Variants in PGM2 observed in about 807,000 individuals in gnomAD.
PGM2 encodes phosphopentomutase.
PGM2 carries 57 observed loss-of-function variants against 74.6 expected under a neutral mutation model. The observed-to-expected ratio is 0.76, with a 90% CI of 0.62 to 0.95. The LOEUF (loss-of-function observed/expected upper bound fraction) is 0.95. Ranked by LOEUF, PGM2 falls within the 40% of genes least tolerant of loss-of-function variation. The pLI is 0.00. For synonymous variants in PGM2, 273 were observed against 260.7 expected (o/e 1.05, Z -0.46); for missense variants, 706 against 741.9 (o/e 0.95, Z 0.56).
chr4:37,841,100 A>ATATATATGTGTG (rs1202149456), intron 6 of PGM2, among the ~76,000 whole-genome samples: 19 of 115,750 alleles, frequency 1.6e-4, no homozygotes, highest in African/African-American at 6.8e-4. Flanking sequence ...ATATATATAT[A>ATATATATGTGTG]TGTGTGTGTG....
intron 6 of PGM2, among the ~76,000 whole-genome samples, chr4:37,842,737 T>C (rs1359182314): frequency 2.0e-5 from 3 of 152,104 alleles, no homozygotes; most frequent in East Asian, 1.9e-4. Context: ...CTTGGCTCAC[T>C]GCGGCCTTGA....
intron 1 of PGM2, among the ~76,000 whole-genome samples, chr4:37,827,219 C>T (rs1281304873): frequency 6.6e-6 from 1 of 152,218 alleles, no homozygotes; most frequent in Non-Finnish European, 1.5e-5. Context: ...CTCCGTCCCG[C>T]GTATTCCTTT....
At chr4:37,845,439 AC>A (rs1406876588) in intron 7 of PGM2, among the ~76,000 whole-genome samples, 193 bp from the exon 8 acceptor site, 6 of 152,354 alleles carry the variant, frequency 3.9e-5, no homozygotes, top group Non-Finnish European at 8.8e-5. Context: ...TTAGGAAGAT[AC>A]TATGTGACCA....
intron 1 of PGM2, among the ~76,000 whole-genome samples, chr4:37,829,050 G>A (rs557124951): frequency 6.0e-4 from 92 of 152,256 alleles, no homozygotes; most frequent in African/African-American, 2.1e-3. Flanking sequence ...CATCTAAATG[G>A]ATAATGACTG....
At chr4:37,832,630 T>C (rs1265206950) in intron 2 of PGM2, among the ~76,000 whole-genome samples, 2 of 152,248 alleles carry the variant, frequency 1.3e-5, no homozygotes, top group Non-Finnish European at 2.9e-5. Context: ...ATTTATGTTC[T>C]ATTTTGGGTT....
Position 37,845,683 on chromosome 4 carries a change from T to G in PGM2, c.960T>G (p.Ala320=). ...ADKTKARIVL[A]NDPDADRLAV... is the part of the protein sequence containing the mutation. ...AAACCAAGGCCAGAATTGTTTTAGC[T>G]AACGACCCGGATGCTGATAGACTTG... Residue 320 remains alanine, a synonymous_variant, in exon 8 of 14, where the codon GCT becomes GCG. Transcript: ENST00000381967. 6.2e-7 allele frequency: 1 copy of G among 1,613,762 alleles called. No homozygotes were observed.
In PGM2 at chr4:37,861,652, T is replaced by A; in HGVS notation, c.*40T>A. The A allele has an allele frequency of 7.9e-7, 1 of 1,262,546 alleles. No homozygotes were observed. Among genetic ancestry groups the A allele is most frequent in the Non-Finnish European group, 1.2e-6 (1 of 859,536 alleles). 78.2% of individuals were successfully genotyped at this position (1,262,546 alleles called of 1,614,324 possible). On this transcript the variant is annotated 3_prime_UTR_variant, in exon 14 of 14. Transcript: ENST00000381967. Reference sequence around the variant, plus strand: ...GGGTATACTTGCATTTACCTACAATTAAGCTGGGTTTAACTTGTTAAGCAA... The same window carrying A: ...GGGTATACTTGCATTTACCTACAATAAAGCTGGGTTTAACTTGTTAAGCAA...
At chr4:37,838,019 T>G (rs992207643) in intron 4 of PGM2, among the ~76,000 whole-genome samples, 3 of 152,062 alleles carry the variant, frequency 2.0e-5, no homozygotes, top group African/African-American at 4.8e-5. Flanking sequence ...TAGCTGGTAT[T>G]ACAGGTGCCT....
At chr4:37,833,006 C>G (rs1302526849) in intron 2 of PGM2, among the ~76,000 whole-genome samples, 1 of 151,730 alleles carries the variant, frequency 6.6e-6, no homozygotes, top group East Asian at 1.9e-4. Flanking sequence ...GCTTTTTTGC[C>G]CCATGGAGCA....
chr4:37,838,443 A>ATGACAGTTGTTGCTT (rs1480963909), intron 4 of PGM2, among the ~76,000 whole-genome samples: 2 of 152,248 alleles, frequency 1.3e-5, no homozygotes, highest in Non-Finnish European at 2.9e-5. Context: ...AGTAGGGACT[A>ATGACAGTTGTTGCTT]TGACAGTTGT....
chr4:37,828,776 C>T (rs1409969626), intron 1 of PGM2, among the ~76,000 whole-genome samples: 1 of 152,218 alleles, frequency 6.6e-6, no homozygotes, highest in African/African-American at 2.4e-5. Context: ...TTCTGATTCA[C>T]TCCACTAATA....
intron 1 of PGM2, among the ~76,000 whole-genome samples, chr4:37,827,224 T>G (rs1725316725): frequency 6.6e-6 from 1 of 152,182 alleles, no homozygotes; most frequent in African/African-American, 2.4e-5. Flanking sequence ...TCCCGCGTAT[T>G]CCTTTGGCCG....
chr4:37,846,837 T>A, intron 8 of PGM2, 94 bp from the exon 9 acceptor site: 1 of 964,026 alleles, frequency 1.0e-6, no homozygotes, highest in East Asian at 2.4e-5. Context: ...ACTTAGATGC[T>A]TTGTTTGCTA....
intron 4 of PGM2, chr4:37,839,471 G>C (rs769244184): frequency 9.2e-6 from 4 of 436,158 alleles, no homozygotes; most frequent in South Asian, 6.7e-5. Flanking sequence ...AGGAGAGGGA[G>C]AAGCAGTTGG....
At position 37,857,833 on chromosome 4, in the gene PGM2, T is replaced by C. The variant is rs533071754; in HGVS notation, c.1736+2092T>C. Among the ~76,000 whole-genome samples the C allele has an allele frequency of 5.3e-5, 8 of 152,322 alleles. No individual in the cohort carries two copies. The South Asian group carries it at 8.3e-4, about 16-fold the overall frequency. On this transcript the variant is annotated intron_variant, in intron 13 of 13. Coordinates refer to ENST00000381967, the MANE Select transcript of PGM2 (RefSeq NM_018290.4). Reference sequence around the variant, plus strand: ...TTATTGTAATATTATGCAAGAATCTTGTTTTCGTGTGCATTAGATAGTAAG... The same window carrying C: ...TTATTGTAATATTATGCAAGAATCTCGTTTTCGTGTGCATTAGATAGTAAG...
Position 37,839,687 on chromosome 4 carries a change from A to C in PGM2, c.442-161A>C, listed in dbSNP as rs149246864. The C allele has an allele frequency of 8.8e-4, 618 of 699,138 alleles. 5 individuals are homozygous for C. In the African/African-American group the frequency reaches 9.6e-3, roughly 11 times the overall value. The allele number at this position is 699,138 out of a possible 1,614,324, so 43.3% of individuals were successfully genotyped here. A position where few individuals can be genotyped will look rare whatever the true frequency, so the allele number is the denominator to read the frequency against. On this transcript the variant is annotated intron_variant, in intron 4 of 13. Transcript: ENST00000381967. ...GAGCAGCCAGTTAATTCTAAGGGTA[A>C]TTGCATACTGCTGGGGTGTGGCTCA...
At chr4:37,858,524 T>C (rs1271519576) in intron 13 of PGM2, among the ~76,000 whole-genome samples, 1 of 150,914 alleles carries the variant, frequency 6.6e-6, no homozygotes, top group Non-Finnish European at 1.5e-5. Flanking sequence ...TTTTTTTTTT[T>C]TTTTTAGTAG....
At chr4:37,845,915 G>A (rs535320679) in intron 8 of PGM2, among the ~76,000 whole-genome samples, 185 bp downstream of exon 8, 5 of 152,050 alleles carry the variant, frequency 3.3e-5, no homozygotes, top group East Asian at 1.9e-4. Flanking sequence ...AGTGTGGGGG[G>A]AGGTTACGTG....
chr4:37,851,883 G>A (rs1726048909), intron 12 of PGM2, among the ~76,000 whole-genome samples: 1 of 152,012 alleles, frequency 6.6e-6, no homozygotes, highest in Non-Finnish European at 1.5e-5. Flanking sequence ...AACTGCTGTT[G>A]CCTGCTAGCT....
Sources: allele counts gnomAD v4.1 joint callset (sites outside exome capture counted in the v4.1 genomes callset), GRCh38; gene constraint gnomAD v4.1.1; transcripts MANE v1.5; gene names NCBI Gene and HGNC (gene_info 2026-07-23, HGNC 2026-07-21).